Variants in NUBPL observed in about 807,000 individuals in gnomAD.
NUBPL encodes the protein iron-sulfur cluster transfer protein NUBPL.
NUBPL carries 31 observed loss-of-function variants against 45.7 expected under a neutral mutation model. That is an observed-to-expected ratio of 0.68 (90% confidence interval 0.51 to 0.92). NUBPL has a LOEUF of 0.92. Ranked by LOEUF, NUBPL falls within the 40% of genes least tolerant of loss-of-function variation. The pLI, the probability that NUBPL is intolerant of heterozygous loss-of-function variation, is 0.00. For missense variants in NUBPL, 401 were observed against 398.7 expected, an observed-to-expected ratio of 1.01 and a Z score of -0.05; for synonymous variants, 144 against 140.9, an observed-to-expected ratio of 1.02 and a Z score of -0.15.
intron 6 of NUBPL, among the ~76,000 whole-genome samples, chr14:31,740,799 C>T (rs1465027169): frequency 6.6e-6 from 1 of 152,162 alleles, no homozygotes; most frequent in Non-Finnish European, 1.5e-5. Context: ...TCTGGTTCCC[C>T]TCATCCCCCC....
intron 6 of NUBPL, among the ~76,000 whole-genome samples, chr14:31,707,596 AC>A (rs1267111189): frequency 6.6e-6 from 1 of 152,064 alleles, no homozygotes; most frequent in Non-Finnish European, 1.5e-5. Context: ...ATTCCAGGGA[AC>A]CCTTGCAACT....
chr14:31,577,923 T>C, intron 3 of NUBPL: 1 of 1,282,414 alleles, frequency 7.8e-7, no homozygotes, highest in Non-Finnish European at 1.0e-6. Context: ...TTCATATGTT[T>C]ATCTCATGCC....
intron 6 of NUBPL, among the ~76,000 whole-genome samples, chr14:31,737,863 A>G (rs1377481239): frequency 6.6e-6 from 1 of 152,210 alleles, no homozygotes; most frequent in Admixed American, 6.5e-5. Context: ...CTTCCCATGT[A>G]TAAGAGTATA....
At chr14:31,712,585 G>C (rs1273405141) in intron 6 of NUBPL, among the ~76,000 whole-genome samples, 1 of 152,268 alleles carries the variant, frequency 6.6e-6, no homozygotes, top group Non-Finnish European at 1.5e-5. Context: ...GGCCCCCACA[G>C]CACAGTGGCG....
chr14:31,800,387 G>A (rs2039564378), intron 7 of NUBPL, among the ~76,000 whole-genome samples: 1 of 152,054 alleles, frequency 6.6e-6, no homozygotes, highest in African/African-American at 2.4e-5. Flanking sequence ...TGTGGTTTGT[G>A]GCACCCCACA....
At chr14:31,608,966 A>G (rs1448403869) in intron 4 of NUBPL, among the ~76,000 whole-genome samples, 1 of 152,236 alleles carries the variant, frequency 6.6e-6, no homozygotes, top group Non-Finnish European at 1.5e-5. Flanking sequence ...AGTAAATTAT[A>G]TCACCAGAGA....
chr14:31,735,559 C>T (rs1406479621), intron 6 of NUBPL, among the ~76,000 whole-genome samples: 1 of 152,120 alleles, frequency 6.6e-6, no homozygotes, highest in Admixed American at 6.6e-5. Flanking sequence ...AAATTTTAAA[C>T]ATCAGAGTGA....
At chr14:31,644,508 A>G (rs2035791824) in intron 4 of NUBPL, among the ~76,000 whole-genome samples, 1 of 152,170 alleles carries the variant, frequency 6.6e-6, no homozygotes, top group Non-Finnish European at 1.5e-5. Context: ...ACTGTAGTCC[A>G]GAAAGATACT....
chr14:31,765,158 C>G (rs1217819017), intron 6 of NUBPL, among the ~76,000 whole-genome samples: 1 of 152,210 alleles, frequency 6.6e-6, no homozygotes, highest in Non-Finnish European at 1.5e-5. Context: ...GGTCTGACTT[C>G]TGCTTACTTC....
At chr14:31,626,158 TA>T (rs1230466620) in intron 4 of NUBPL, among the ~76,000 whole-genome samples, 2 of 152,044 alleles carry the variant, frequency 1.3e-5, no homozygotes, top group African/African-American at 4.8e-5. Flanking sequence ...TATCTTATTT[TA>T]TTTTATTTTA....
chr14:31,563,346 TTTA>T (rs1425780228), intron 2 of NUBPL, among the ~76,000 whole-genome samples: 2 of 152,208 alleles, frequency 1.3e-5, no homozygotes, highest in Admixed American at 1.3e-4. Context: ...AGATTGTTTG[TTTA>T]TTATTTTTAG....
chr14:31,666,263 A>ATATATATATTTATTTATT, intron 4 of NUBPL, among the ~76,000 whole-genome samples: 21 of 111,858 alleles, frequency 1.9e-4, no homozygotes, highest in East Asian at 3.4e-4. Context: ...ATATATATAT[A>ATATATATATTTATTTATT]ATTTTATTTT....
intron 4 of NUBPL, among the ~76,000 whole-genome samples, chr14:31,602,563 G>A (rs2034471745): frequency 6.6e-6 from 1 of 152,018 alleles, no homozygotes; most frequent in African/African-American, 2.4e-5. Context: ...GACTGCCTGG[G>A]TTTGATTCTC....
chr14:31,748,509 A>G lies in NUBPL; in HGVS notation c.514-39271A>G, dbSNP rs568465580. 1.7e-4 allele frequency among the ~76,000 whole-genome samples: 26 copies of G among 151,212 alleles called. No homozygotes were observed. In the South Asian group the frequency reaches 4.8e-3, roughly 28 times the overall value. On this transcript the variant is annotated intron_variant, in intron 6 of 10. Transcript: ENST00000281081. ...AGGTGTGTAGATATTTACAATTGTT[A>G]TATCCTCTTCCTGCATTGATTCCTT...
chr14:31,561,727 T>G, intron 1 of NUBPL, 180 bp downstream of exon 1: 1 of 561,450 alleles, frequency 1.8e-6, no homozygotes, highest in Non-Finnish European at 3.1e-6. Context: ...TGAAACACAG[T>G]TAGAACGTAG....
rs554115939 is a variant in NUBPL, at chr14:31,570,578, G to A, written c.291+5530G>A. Reference sequence around the variant, plus strand: ...CCACATAGTATTTATCAGTTTTACAGTCTTTATTGATTCTCCCCTAATATC... The same window carrying A: ...CCACATAGTATTTATCAGTTTTACAATCTTTATTGATTCTCCCCTAATATC... On this transcript the variant is annotated intron_variant, in intron 3 of 10. Coordinates refer to ENST00000281081, the MANE Select transcript of NUBPL (RefSeq NM_025152.3). 2.0e-5 allele frequency among the ~76,000 whole-genome samples: 3 copies of A among 152,268 alleles called. No individual in the cohort carries two copies. In the South Asian group the frequency reaches 6.2e-4, roughly 32 times the overall value.
intron 4 of NUBPL, among the ~76,000 whole-genome samples, chr14:31,639,494 G>A (rs1048732738): frequency 6.6e-6 from 1 of 152,208 alleles, no homozygotes; most frequent in Middle Eastern, 3.2e-3. Flanking sequence ...TGCCCCTACT[G>A]GGGGGTGCCT....
intron 7 of NUBPL, 59 bp from the exon 8 acceptor site, chr14:31,826,570 G>T: frequency 6.8e-7 from 1 of 1,459,892 alleles, no homozygotes. Flanking sequence ...ACATAATGCT[G>T]GAAGTAATTT....
chr14:31,572,392 G>A (rs1451062660), intron 3 of NUBPL, among the ~76,000 whole-genome samples: 1 of 152,016 alleles, frequency 6.6e-6, no homozygotes, highest in African/African-American at 2.4e-5. Flanking sequence ...GCCTGCTTCG[G>A]CCTCCCAAAG....
Sources: gnomAD v4.1 joint callset for allele counts (sites outside exome capture counted in the v4.1 genomes callset) on GRCh38, gnomAD v4.1.1 for gene constraint, MANE v1.5 for transcripts, NCBI Gene and HGNC (gene_info 2026-07-23, HGNC 2026-07-21) for gene names.